The following URM1 variants were observed in gnomAD, a reference collection of about 807,000 sequenced individuals.
The protein encoded by URM1 is ubiquitin related modifier 1.
Under a neutral mutation model 17.7 loss-of-function variants are expected in URM1, and 11 were observed. That is an observed-to-expected ratio of 0.62 (90% CI 0.39 to 1.03). URM1 has a LOEUF of 1.03. Ranked by LOEUF, URM1 falls within the 50% of genes least tolerant of loss-of-function variation. The pLI is 0.00. For synonymous variants in URM1, 48 were observed against 50.6 expected (o/e 0.95, Z 0.22); for missense variants, 128 against 129.2 (o/e 0.99, Z 0.04).
rs1462721951 is a variant in URM1 at position 128,391,259 on chromosome 9, T to C, written c.*1525T>C. The C allele has an allele frequency of 6.6e-6, 1 of 152,208 alleles. No individual in the cohort carries two copies. The highest frequency in any genetic ancestry group is 1.5e-5 in the Non-Finnish European group (1 of 68,066). The allele number at this position is 152,208 out of a possible 1,614,324, so 9.4% of individuals were successfully genotyped here. A position where few individuals can be genotyped will look rare whatever the true frequency, so the allele number is the denominator to read the frequency against. ...AAGTGGCAAAAGGTTGTCCCAGCAG[T>C]GTTGGGGGATGGGGTGTGCACATCA... is the stretch of plus-strand genomic sequence containing the variant. On this transcript the variant is annotated 3_prime_UTR_variant, in exon 5 of 5. Coordinates refer to ENST00000372853, the MANE Select transcript of URM1 (RefSeq NM_030914.4).
chr9:128,389,314 G>T lies in URM1; in HGVS notation c.237+5G>T. ...GATGCCGACTGGGAGCTACTGGTCA[G>T]TACCTTGGGGGACATCCCTCCCCCA... On this transcript the variant is annotated splice_donor_5th_base_variant and intron_variant, in intron 4 of 4. Coordinates refer to ENST00000372853, the MANE Select transcript of URM1 (RefSeq NM_030914.4). 6.2e-7 allele frequency: 1 copy of T among 1,613,818 alleles called. No homozygotes were observed. The highest frequency in any genetic ancestry group is 1.1e-5 in the South Asian group (1 of 91,050).
At chr9:128,388,278 T>C in intron 3 of URM1, 2 of 1,070,730 alleles carry the variant, frequency 1.9e-6, no homozygotes, top group Non-Finnish European at 2.3e-6. Flanking sequence ...TATTTCATTG[T>C]AATTTAAATA....
chr9:128,371,565 A>T (rs988565116), intron 1 of URM1, 150 bp downstream of exon 1: 2 of 760,476 alleles, frequency 2.6e-6, no homozygotes, highest in Non-Finnish European at 4.2e-6. Flanking sequence ...AGAGTCTGAG[A>T]GGCCAGTCTC....
chr9:128,387,931 G>A lies in URM1; in HGVS notation c.188+34G>A. On this transcript the variant is annotated intron_variant, in intron 3 of 4. Coordinates refer to ENST00000372853, the MANE Select transcript of URM1 (RefSeq NM_030914.4). This position sits in a 1 kb window ranked among gnomAD's most constrained non-coding sequence, Gnocchi z 4.3. ...CACTCCTCCCTTCCCTGAAGCAGGT[G>A]GAGGGAGGGACGGATATTTGAGCCC... The A allele has an allele frequency of 6.2e-7, 1 of 1,613,298 alleles. No individual in the cohort carries two copies. The highest frequency in any genetic ancestry group is 8.5e-7 in the Non-Finnish European group (1 of 1,179,742).
rs990027378 is a variant in URM1 at position 128,372,911 on chromosome 9, C to CA, written c.35+1510dup. On this transcript the variant is annotated intron_variant, in intron 1 of 4. Transcript: ENST00000372853. ...CAACATGGGGAGACTTCATCTCTAC[C>CA]AAAAAAAAAAAAAAGAAGATTTATC... is the stretch of plus-strand genomic sequence containing the variant. 7.5e-3 allele frequency among the ~76,000 whole-genome samples: 998 copies of CA among 133,808 alleles called. 10 individuals are homozygous for CA. The highest frequency in any genetic ancestry group is 0.019 in the African/African-American group (679 of 36,374). 87.8% of individuals were successfully genotyped at this position (133,808 alleles called of 152,430 possible).
In URM1 at chr9:128,389,588, C is replaced by T. The variant is rs1188760043; in HGVS notation, c.238-78C>T. 1.9e-6 allele frequency: 3 copies of T among 1,597,954 alleles called. No individual in the cohort carries two copies. In the African/African-American group the frequency reaches 4.0e-5, roughly 21 times the overall value. On this transcript the variant is annotated intron_variant, in intron 4 of 4. Transcript: ENST00000372853. ...CTCTTCCAGAGCAGCCAGTCCTCAG[C>T]CCCTGTTCTCCCAACTCCTGGGGTG... is the stretch of plus-strand genomic sequence containing the variant.
chr9:128,377,072 A>C (rs552145303), intron 1 of URM1, among the ~76,000 whole-genome samples: 13 of 152,152 alleles, frequency 8.5e-5, no homozygotes, highest in Non-Finnish European at 1.3e-4. Flanking sequence ...CCAAGGCTCT[A>C]TTTCACTGAG....
chr9:128,389,158 C>T (rs1006364168), intron 3 of URM1, 103 bp from the exon 4 acceptor site: 62 of 1,501,936 alleles, frequency 4.1e-5, no homozygotes, highest in Non-Finnish European at 4.7e-5. Flanking sequence ...GAGGAAGGCT[C>T]CTCAGCACAC....
intron 1 of URM1, among the ~76,000 whole-genome samples, chr9:128,374,549 G>A (rs950718007): frequency 2.0e-5 from 3 of 152,116 alleles, no homozygotes; most frequent in Non-Finnish European, 4.4e-5. Flanking sequence ...GGCCCTGTGC[G>A]CGGCCACAGA....
chr9:128,388,806 A>G (rs1378185362), intron 3 of URM1: 1 of 988,910 alleles, frequency 1.0e-6, no homozygotes, highest in Non-Finnish European at 1.2e-6. Flanking sequence ...GCAGAGGCCT[A>G]AAAAAAAGCC....
chr9:128,376,672 T>G (rs554184920), intron 1 of URM1, among the ~76,000 whole-genome samples: 92 of 146,800 alleles, frequency 6.3e-4, no homozygotes, highest in Non-Finnish European at 9.8e-4. Context: ...ATAAATAAAT[T>G]TTTTTAAAAA....
chr9:128,381,182 C>T (rs1833155464), intron 2 of URM1, among the ~76,000 whole-genome samples: 1 of 152,152 alleles, frequency 6.6e-6, no homozygotes, highest in South Asian at 2.1e-4. Context: ...CCTCTTTGTG[C>T]CATCACTGTA....
At chr9:128,379,195 A>G (rs1833123234) in intron 2 of URM1, among the ~76,000 whole-genome samples, 1 of 151,972 alleles carries the variant, frequency 6.6e-6, no homozygotes, top group South Asian at 2.1e-4. Context: ...AAAATGGTCA[A>G]GTCAGGCCGG....
intron 1 of URM1, 132 bp downstream of exon 1, chr9:128,371,547 C>A: frequency 2.3e-6 from 2 of 886,462 alleles, no homozygotes; most frequent in South Asian, 1.7e-5. Context: ...CTACGCTACC[C>A]GCCTAGGAGA....
At chr9:128,385,793 C>G (rs1833218594) in intron 2 of URM1, among the ~76,000 whole-genome samples, 1 of 152,022 alleles carries the variant, frequency 6.6e-6, no homozygotes, top group Non-Finnish European at 1.5e-5. Context: ...ACCCCCAAAT[C>G]CAGGCATGGG....
chr9:128,389,515 G>C (rs1171299719), intron 4 of URM1, 151 bp from the exon 5 acceptor site: 1 of 1,548,662 alleles, frequency 6.5e-7, no homozygotes, highest in Admixed American at 2.0e-5. Context: ...CCATCCTGAA[G>C]ATTTGCAGGT....
At chr9:128,371,443 G>C (rs756664406) in intron 1 of URM1, 28 bp downstream of exon 1, 1 of 1,609,590 alleles carries the variant, frequency 6.2e-7, no homozygotes, top group Non-Finnish European at 8.5e-7. Context: ...GGCGCCGTGG[G>C]GATGGATTGA....
At chr9:128,381,471 C>T (rs752597218) in intron 2 of URM1, among the ~76,000 whole-genome samples, 3 of 152,086 alleles carry the variant, frequency 2.0e-5, no homozygotes, top group Non-Finnish European at 2.9e-5. Context: ...CCAAGGTAGG[C>T]GGATCACCTG....
intron 4 of URM1, 104 bp downstream of exon 4, chr9:128,389,413 C>A (rs756428356): frequency 1.2e-6 from 2 of 1,602,864 alleles, no homozygotes; most frequent in Non-Finnish European, 1.7e-6. Flanking sequence ...CTGGGTAATC[C>A]TCCGCCCCAC....
Sources: allele counts gnomAD v4.1 joint callset (sites outside exome capture counted in the v4.1 genomes callset), GRCh38; gene constraint gnomAD v4.1.1; non-coding constraint Gnocchi (gnomAD v3.1); transcripts MANE v1.5; gene names NCBI Gene and HGNC (gene_info 2026-07-23, HGNC 2026-07-21).